Variants in NUDCD1 observed in about 807,000 individuals in gnomAD.
NUDCD1 encodes the protein nudC domain-containing protein 1.
Under a neutral mutation model 67.8 loss-of-function variants are expected in NUDCD1, and 60 were observed. That is an observed-to-expected ratio of 0.88 (90% confidence interval 0.72 to 1.10). The LOEUF (loss-of-function observed/expected upper bound fraction) is 1.10, where lower values mean the gene tolerates loss of function less well. Among genes scored for constraint, NUDCD1 ranks in the 50% least tolerant of loss-of-function variants. The pLI is 0.00. For synonymous variants in NUDCD1, 244 were observed against 230.8 expected, an observed-to-expected ratio of 1.06 and a Z score of -0.52; for missense variants, 643 against 695.0, an observed-to-expected ratio of 0.93 and a Z score of 0.84.
At chr8:109,286,690 T>C (rs1257267504) in intron 5 of NUDCD1, among the ~76,000 whole-genome samples, 1 of 152,038 alleles carries the variant, frequency 6.6e-6, no homozygotes, top group African/African-American at 2.4e-5. Flanking sequence ...GAAGAAAACC[T>C]AGGAAACACC....
intron 2 of NUDCD1, among the ~76,000 whole-genome samples, chr8:109,302,114 CT>C (rs1815003766): frequency 6.6e-6 from 1 of 152,142 alleles, no homozygotes; most frequent in East Asian, 1.9e-4. Flanking sequence ...AGCCTGTGTT[CT>C]TAAAAACTTA....
chr8:109,245,916 G>T (rs555087161), intron 8 of NUDCD1, among the ~76,000 whole-genome samples: 1 of 152,288 alleles, frequency 6.6e-6, no homozygotes, highest in East Asian at 1.9e-4. Context: ...AGCAGGCAAG[G>T]GAGCATTACT....
At chr8:109,276,390 T>C (rs1317051422) in intron 6 of NUDCD1, among the ~76,000 whole-genome samples, 1 of 152,230 alleles carries the variant, frequency 6.6e-6, no homozygotes, top group Non-Finnish European at 1.5e-5. Flanking sequence ...ACCTTTTCCA[T>C]GTGCCATCTT....
intron 8 of NUDCD1, among the ~76,000 whole-genome samples, chr8:109,251,009 T>A (rs1337656555): frequency 6.6e-6 from 1 of 152,180 alleles, no homozygotes; most frequent in Non-Finnish European, 1.5e-5. Flanking sequence ...TTCCTTTCTC[T>A]TCAACTTTCT....
chr8:109,245,267 G>C, intron 9 of NUDCD1, 55 bp downstream of exon 9: 1 of 1,491,618 alleles, frequency 6.7e-7, no homozygotes, highest in South Asian at 1.2e-5. Flanking sequence ...AACTTTAAAT[G>C]AATGATGACT....
intron 6 of NUDCD1, among the ~76,000 whole-genome samples, chr8:109,276,120 A>C (rs1402760658): frequency 1.3e-5 from 2 of 152,238 alleles, no homozygotes; most frequent in African/African-American, 4.8e-5. Flanking sequence ...TAACTTATTT[A>C]AAATCTAATT....
chr8:109,324,919 T>C (rs888307420), intron 1 of NUDCD1, among the ~76,000 whole-genome samples: 10 of 152,080 alleles, frequency 6.6e-5, no homozygotes, highest in African/African-American at 2.4e-4. Flanking sequence ...ACCCCGTCTC[T>C]ACTAAAAATT....
chr8:109,249,254 T>C (rs1813569622), intron 8 of NUDCD1, among the ~76,000 whole-genome samples: 1 of 152,220 alleles, frequency 6.6e-6, no homozygotes, highest in Admixed American at 6.5e-5. Context: ...TAAGTATTAA[T>C]GTTAATTATT....
Position 109,253,275 on chromosome 8 carries a change from G to A in NUDCD1, c.1300-7794C>T, listed in dbSNP as rs560675442. ...GCAGAAGACATAGCTAGAGAGTACA[G>A]TAAGCAGAAACCATAAGATGTAGAA... On this transcript the variant is annotated intron_variant, in intron 8 of 9. Coordinates refer to ENST00000239690, the MANE Select transcript of NUDCD1 (RefSeq NM_032869.4). Among the ~76,000 whole-genome samples the A allele has an allele frequency of 5.5e-4, 84 of 152,264 alleles. 1 individual carries two copies. The highest frequency in any genetic ancestry group is 3.4e-3 in the Middle Eastern group (1 of 294).
rs1204539578 is a variant in NUDCD1 at position 109,241,715 on chromosome 8, C to A, written c.*1294G>T. 1 of 175,260 alleles carries A rather than the reference C, an allele frequency of 5.7e-6. No homozygotes were observed. Among genetic ancestry groups the A allele is most frequent in the Non-Finnish European group, 1.2e-5 (1 of 83,864 alleles). 10.9% of individuals were successfully genotyped at this position (175,260 alleles called of 1,614,324 possible). A position where few individuals can be genotyped will look rare whatever the true frequency, so the allele number is the denominator to read the frequency against. ...TTTTTCCTCCTCTCTGTCATTCATT[C>A]GTTCATTAAAATTTAGTTGAGTCAA... is the stretch of plus-strand genomic sequence containing the variant. On this transcript the variant is annotated 3_prime_UTR_variant, in exon 10 of 10. Transcript: ENST00000239690.
intron 8 of NUDCD1, among the ~76,000 whole-genome samples, chr8:109,262,609 T>C (rs574491693): frequency 5.3e-5 from 8 of 152,304 alleles, no homozygotes; most frequent in South Asian, 2.1e-4. Flanking sequence ...AATTGGGTAT[T>C]TGGCAAACAT....
intron 8 of NUDCD1, among the ~76,000 whole-genome samples, chr8:109,248,727 A>AG (rs1813556755): frequency 6.6e-6 from 1 of 152,018 alleles, no homozygotes; most frequent in South Asian, 2.1e-4. Context: ...AAAAAAAAAA[A>AG]AAAAAGGTCC....
intron 8 of NUDCD1, among the ~76,000 whole-genome samples, chr8:109,246,646 T>A (rs1300554597): frequency 6.6e-6 from 1 of 152,204 alleles, no homozygotes; most frequent in East Asian, 1.9e-4. Context: ...TTTTTCTAAA[T>A]GAAGACATGT....
Position 109,245,332 on chromosome 8 carries a change from G to A in NUDCD1, c.1449C>T (p.Phe483=), listed in dbSNP as rs777014893. The change falls in exon 9 of 10, where the codon TTC becomes TTT. Residue 483 remains phenylalanine, a synonymous_variant. Coordinates refer to ENST00000239690, the MANE Select transcript of NUDCD1 (RefSeq NM_032869.4). ...QDDMWEHIAT[F]NALGYVQASK... is the part of the protein sequence containing the mutation. ...GAGTTTGCTTTATACCTAAAGCATT[G>A]AAAGTTGCGATGTGCTCCCACATAT... 60 of 1,612,698 alleles carry A rather than the reference G, an allele frequency of 3.7e-5. No homozygotes were observed. Among genetic ancestry groups the A allele is most frequent in the Non-Finnish European group, 4.7e-5 (56 of 1,179,438 alleles).
intron 4 of NUDCD1, among the ~76,000 whole-genome samples, chr8:109,291,766 G>A (rs1814717618): frequency 6.6e-6 from 1 of 152,138 alleles, no homozygotes; most frequent in Non-Finnish European, 1.5e-5. Flanking sequence ...CTGAGGCAAA[G>A]AAACGAAGAC....
chr8:109,323,602 T>C (rs947991166), intron 1 of NUDCD1, among the ~76,000 whole-genome samples: 1 of 151,972 alleles, frequency 6.6e-6, no homozygotes, highest in Non-Finnish European at 1.5e-5. Flanking sequence ...TTGGGGAGAT[T>C]AACAAAAGCT....
At chr8:109,304,247 C>T (rs1439409667) in intron 2 of NUDCD1, among the ~76,000 whole-genome samples, 1 of 152,176 alleles carries the variant, frequency 6.6e-6, no homozygotes, top group African/African-American at 2.4e-5. Context: ...AACAACTTGA[C>T]CTTACTGTTT....
At chr8:109,321,821 T>C (rs1218599973) in intron 2 of NUDCD1, among the ~76,000 whole-genome samples, 5 of 152,090 alleles carry the variant, frequency 3.3e-5, no homozygotes, top group Admixed American at 1.3e-4. Context: ...CAGAAATAAC[T>C]GTATTAATAC....
At chr8:109,282,504 G>T (rs1167372844) in intron 5 of NUDCD1, among the ~76,000 whole-genome samples, 1 of 151,862 alleles carries the variant, frequency 6.6e-6, no homozygotes, top group African/African-American at 2.4e-5. Context: ...ATATTATAAG[G>T]AAAGAAAGAA....
Sources: allele counts gnomAD v4.1 joint callset (sites outside exome capture counted in the v4.1 genomes callset), GRCh38; gene constraint gnomAD v4.1.1; transcripts MANE v1.5; gene names NCBI Gene and HGNC (gene_info 2026-07-23, HGNC 2026-07-21).